MGMT: variants seen among roughly 807,000 people sequenced by gnomAD.
MGMT encodes the protein O-6-methylguanine-DNA methyltransferase, also known as methylated-DNA--protein-cysteine methyltransferase.
In MGMT, 14 loss-of-function variants were observed where a neutral mutation model predicts 15.9. The ratio of observed to expected loss-of-function variants is 0.88; its 90% CI spans 0.58 to 1.37. The LOEUF (loss-of-function observed/expected upper bound fraction) is 1.37. Ranked by LOEUF, MGMT falls within the 40% of genes most tolerant of loss-of-function variation. MGMT has a pLI of 0.00. For missense variants in MGMT, 282 were observed against 268.1 expected (o/e 1.05, Z -0.36); for synonymous variants, 130 against 118.2 (o/e 1.10, Z -0.65).
At chr10:129,731,144 G>T (rs1848491717) in intron 3 of MGMT, among the ~76,000 whole-genome samples, 2 of 152,166 alleles carry the variant, frequency 1.3e-5, no homozygotes, top group South Asian at 4.2e-4. Context: ...TCGTGTTCTG[G>T]CGTGCCCAGG....
At chr10:129,528,121 T>C (rs114061844) in intron 1 of MGMT, among the ~76,000 whole-genome samples, 1,945 of 152,302 alleles carry the variant, frequency 0.013, 33 homozygotes, top group African/African-American at 0.045. Context: ...TAATTAGATA[T>C]TTTGTTCAAC....
intron 2 of MGMT, among the ~76,000 whole-genome samples, chr10:129,634,637 T>C (rs770154103): frequency 6.6e-6 from 1 of 152,146 alleles, no homozygotes; most frequent in Non-Finnish European, 1.5e-5. Flanking sequence ...TTGATGTATT[T>C]TTCCATTGTA....
At chr10:129,564,870 C>G (rs1335308857) in intron 2 of MGMT, among the ~76,000 whole-genome samples, 1 of 152,118 alleles carries the variant, frequency 6.6e-6, no homozygotes, top group Non-Finnish European at 1.5e-5. Flanking sequence ...AGCCACTGAG[C>G]AGAACCGCCC....
intron 3 of MGMT, among the ~76,000 whole-genome samples, chr10:129,733,110 C>T (rs1014642909): frequency 6.9e-5 from 10 of 144,942 alleles, no homozygotes; most frequent in Non-Finnish European, 1.4e-4. Flanking sequence ...ATTTCTAGTT[C>T]TAGATCCCTG....
chr10:129,724,287 C>T (rs1239737768), intron 3 of MGMT, among the ~76,000 whole-genome samples: 1 of 152,148 alleles, frequency 6.6e-6, no homozygotes, highest in Non-Finnish European at 1.5e-5. Context: ...GAGCCGGACA[C>T]AGCAAGAGCC....
chr10:129,536,219 C>CT, intron 1 of MGMT, 22 bp from the exon 2 acceptor site: 1 of 1,613,226 alleles, frequency 6.2e-7, no homozygotes, highest in Non-Finnish European at 8.5e-7. Context: ...TACACTTTGT[C>CT]TTAAAAATTA....
chr10:129,480,291 C>A (rs1263694095), intron 1 of MGMT, among the ~76,000 whole-genome samples: 1 of 152,174 alleles, frequency 6.6e-6, no homozygotes, highest in Non-Finnish European at 1.5e-5. Flanking sequence ...GTGGTAATTT[C>A]CTGAGGGTTT....
chr10:129,549,967 A>C (rs1268250793), intron 2 of MGMT, among the ~76,000 whole-genome samples: 1 of 152,286 alleles, frequency 6.6e-6, no homozygotes, highest in South Asian at 2.1e-4. Flanking sequence ...AAGTAGGGCC[A>C]GGGCTTCTGT....
chr10:129,604,439 G>A (rs1382695577), intron 2 of MGMT, among the ~76,000 whole-genome samples: 2 of 152,220 alleles, frequency 1.3e-5, no homozygotes, highest in Non-Finnish European at 2.9e-5. Context: ...GGCTCCAGAG[G>A]ACTTTACTTA....
chr10:129,611,669 GGAGA>G, intron 2 of MGMT, among the ~76,000 whole-genome samples: 1 of 152,172 alleles, frequency 6.6e-6, no homozygotes, highest in Admixed American at 6.5e-5. Flanking sequence ...AGGGAACTCT[GGAGA>G]GAGAATGACC....
At chr10:129,498,650 A>G (rs551565130) in intron 1 of MGMT, among the ~76,000 whole-genome samples, 121 of 152,190 alleles carry the variant, frequency 8.0e-4, no homozygotes, top group Middle Eastern at 6.8e-3. Context: ...TTTGGCTCCT[A>G]TGTCTTTTGG....
At chr10:129,501,382 C>T (rs780826581) in intron 1 of MGMT, among the ~76,000 whole-genome samples, 2 of 152,154 alleles carry the variant, frequency 1.3e-5, no homozygotes, top group South Asian at 2.1e-4. Context: ...CTTTCAAGAC[C>T]GAGAAAGTAT....
chr10:129,548,554 C>A (rs1846121271), intron 2 of MGMT, among the ~76,000 whole-genome samples: 1 of 152,234 alleles, frequency 6.6e-6, no homozygotes, highest in African/African-American at 2.4e-5. Context: ...GTGTTTAAAT[C>A]TTCTCTAGGT....
intron 2 of MGMT, among the ~76,000 whole-genome samples, chr10:129,661,801 CTT>C (rs1315617872): frequency 2.6e-5 from 4 of 152,318 alleles, no homozygotes; most frequent in African/African-American, 9.6e-5. Flanking sequence ...ACTATCTTGA[CTT>C]ACGGTTTTGT....
At chr10:129,692,418 A>G (rs562685557) in intron 2 of MGMT, among the ~76,000 whole-genome samples, 1 of 152,298 alleles carries the variant, frequency 6.6e-6, no homozygotes, top group Admixed American at 6.5e-5. Flanking sequence ...GGGCTAGAAG[A>G]TCTCTGTCAT....
chr10:129,753,743 A>G (rs546174808), intron 3 of MGMT, among the ~76,000 whole-genome samples: 1 of 152,000 alleles, frequency 6.6e-6, no homozygotes, highest in African/African-American at 2.4e-5. Context: ...GATCTCTTAA[A>G]CTTTTTGTCA....
At chr10:129,709,572 C>G (rs1848207369) in intron 3 of MGMT, among the ~76,000 whole-genome samples, 1 of 152,096 alleles carries the variant, frequency 6.6e-6, no homozygotes, top group Non-Finnish European at 1.5e-5. Flanking sequence ...AATATGTGAG[C>G]TGAAATGTAA....
chr10:129,690,779 C>A (rs566980113), intron 2 of MGMT, among the ~76,000 whole-genome samples: 1 of 152,152 alleles, frequency 6.6e-6, no homozygotes, highest in African/African-American at 2.4e-5. Context: ...TTGGCCAGAT[C>A]GGCTGGAGCT....
chr10:129,597,679 T>A (rs1330637969), intron 2 of MGMT, among the ~76,000 whole-genome samples: 1 of 152,174 alleles, frequency 6.6e-6, no homozygotes, highest in Non-Finnish European at 1.5e-5. Flanking sequence ...GTCCACCAGC[T>A]GTTTTTGCAT....
Sources: allele counts gnomAD v4.1 joint callset (sites outside exome capture counted in the v4.1 genomes callset), GRCh38; gene constraint gnomAD v4.1.1; transcripts MANE v1.5; gene names NCBI Gene and HGNC (gene_info 2026-07-23, HGNC 2026-07-21).